Variants in MS4A6A observed in about 807,000 individuals in gnomAD.
MS4A6A encodes the protein membrane-spanning 4-domains subfamily A member 6A.
In MS4A6A, 19 loss-of-function variants were observed where a neutral mutation model predicts 20.6. The observed-to-expected ratio is 0.92, with a 90% CI of 0.64 to 1.36. The LOEUF (loss-of-function observed/expected upper bound fraction) is 1.36. MS4A6A is among the 40% of genes most tolerant of loss of function. MS4A6A has a pLI of 0.00. For missense variants in MS4A6A, 272 were observed against 261.1 expected, an observed-to-expected ratio of 1.04 and a Z score of -0.29; for synonymous variants, 108 against 105.0, an observed-to-expected ratio of 1.03 and a Z score of -0.17.
chr11:60,179,638 A>T, intron 3 of MS4A6A, 193 bp downstream of exon 3: 1 of 665,134 alleles, frequency 1.5e-6, no homozygotes, highest in East Asian at 2.7e-5. Context: ...AGAAATGTTT[A>T]TTTGAGTCTG....
chr11:60,178,184 A>G, intron 4 of MS4A6A, 76 bp downstream of exon 4: 1 of 1,353,954 alleles, frequency 7.4e-7, no homozygotes, highest in Non-Finnish European at 1.0e-6. Flanking sequence ...TTCAAAGTAG[A>G]AAGACTAGCC....
intron 5 of MS4A6A, 123 bp from the exon 6 acceptor site, chr11:60,173,252 T>C (rs1224100561): frequency 3.6e-6 from 3 of 827,846 alleles, no homozygotes; most frequent in Non-Finnish European, 5.9e-6. Context: ...AAGGACACCA[T>C]CAGGAAGATA....
intron 4 of MS4A6A, chr11:60,177,959 G>A: frequency 3.1e-6 from 1 of 319,612 alleles, no homozygotes; most frequent in South Asian, 4.4e-5. Context: ...GAATTTGAAG[G>A]CCAGTTATCA....
In MS4A6A at chr11:60,181,241, A is replaced by G. The variant is rs376125454; in HGVS notation, c.147+340T>C. 4 of 397,072 alleles carry G rather than the reference A, an allele frequency of 1.0e-5. No individual in the cohort carries two copies. In the East Asian group the frequency reaches 2.5e-4, roughly 25 times the overall value. The allele number at this position is 397,072 out of a possible 1,614,324, so 24.6% of individuals were successfully genotyped here. ...TTGCAAAAAGTCAGTTTGGATTATTAAGCATGCAGTTGTGGAATATATACA... is the reference window on the plus strand; with the variant it reads ...TTGCAAAAAGTCAGTTTGGATTATTGAGCATGCAGTTGTGGAATATATACA... On this transcript the variant is annotated intron_variant, in intron 2 of 5. Coordinates refer to ENST00000528851, the MANE Select transcript of MS4A6A (RefSeq NM_022349.4).
downstream of MS4A6A, chr11:60,172,247 G>A: frequency 6.2e-7 from 1 of 1,613,136 alleles, no homozygotes; most frequent in Non-Finnish European, 8.5e-7. Flanking sequence ...GGCAGGAAAA[G>A]TACACTCTAG....
upstream of MS4A6A, chr11:60,184,095 A>T (rs2083859665): frequency 1.3e-5 from 2 of 152,264 alleles, no homozygotes; most frequent in Non-Finnish European, 2.9e-5. Flanking sequence ...GTCACCACAG[A>T]GGGCCATGGA....
At chr11:60,174,408 C>G (rs973164133) in intron 5 of MS4A6A, among the ~76,000 whole-genome samples, 1 of 151,464 alleles carries the variant, frequency 6.6e-6, no homozygotes, top group Non-Finnish European at 1.5e-5. Flanking sequence ...ACTGCAACCT[C>G]CGCCACCTCC....
At chr11:60,183,433 T>G (rs2083839635), upstream of MS4A6A, 3 of 471,900 alleles carry the variant, frequency 6.4e-6, no homozygotes, top group South Asian at 5.3e-5. Flanking sequence ...CAATAACATG[T>G]AACTAATAAC....
chr11:60,172,100 T>C (rs1276553777), downstream of MS4A6A: 1 of 1,543,214 alleles, frequency 6.5e-7, no homozygotes, highest in Non-Finnish European at 8.9e-7. Context: ...CTATAATGGT[T>C]AACTTTTCCA....
intron 1 of MS4A6A, chr11:60,182,528 C>T (rs1397680283): frequency 6.6e-6 from 1 of 152,262 alleles, no homozygotes; most frequent in Non-Finnish European, 1.5e-5. Context: ...TGAGTTTACT[C>T]AGGCTGGAGA....
At chr11:60,179,517 T>G in intron 3 of MS4A6A, 1 of 588,798 alleles carries the variant, frequency 1.7e-6, no homozygotes, top group Non-Finnish European at 3.0e-6. Flanking sequence ...AAAATGTTCC[T>G]TCCCAACTTT....
intron 2 of MS4A6A, chr11:60,181,233 G>A: frequency 2.6e-6 from 1 of 387,456 alleles, no homozygotes; most frequent in Non-Finnish European, 4.9e-6. Flanking sequence ...AAGTCAGTTT[G>A]GATTATTAAG....
intron 3 of MS4A6A, 134 bp downstream of exon 3, chr11:60,179,697 G>A (rs1416643310): frequency 1.0e-6 from 1 of 1,000,482 alleles, no homozygotes; most frequent in East Asian, 2.4e-5. Context: ...CTACCCGACA[G>A]GAGAACAAGA....
intron 3 of MS4A6A, chr11:60,178,719 T>C (rs1856976027): frequency 2.6e-6 from 1 of 377,736 alleles, no homozygotes; most frequent in Non-Finnish European, 5.1e-6. Flanking sequence ...AACCACATAA[T>C]CAAGGTTAAT....
chr11:60,176,992 C>A (rs1020007685), intron 4 of MS4A6A: 1 of 152,046 alleles, frequency 6.6e-6, no homozygotes, highest in Non-Finnish European at 1.5e-5. Flanking sequence ...GTATGGTTGC[C>A]AATAGCCACA....
chr11:60,179,821 C>T lies in MS4A6A; in HGVS notation c.282+10G>A, dbSNP rs772297224. The T allele has an allele frequency of 6.2e-7, 1 of 1,614,020 alleles. No individual in the cohort carries two copies. The highest frequency in any genetic ancestry group is 8.5e-7 in the Non-Finnish European group (1 of 1,179,962). Reference sequence around the variant, plus strand: ...TGCCCCATCCTGCCCTCCTCAGAAACTCTACTCACAAAAAAGGGTCCTATG... The same window carrying T: ...TGCCCCATCCTGCCCTCCTCAGAAATTCTACTCACAAAAAAGGGTCCTATG... On this transcript the variant is annotated intron_variant, in intron 3 of 5. Coordinates refer to ENST00000528851, the MANE Select transcript of MS4A6A (RefSeq NM_022349.4).
intron 3 of MS4A6A, among the ~76,000 whole-genome samples, chr11:60,179,120 T>C (rs1856996622): frequency 6.6e-6 from 1 of 152,192 alleles, no homozygotes; most frequent in Non-Finnish European, 1.5e-5. Flanking sequence ...AAAGGTGGAC[T>C]TCTTGGTGCA....
Position 60,175,398 on chromosome 11 carries a change from T to G in MS4A6A, c.549+4A>C. 6.2e-7 allele frequency: 1 copy of G among 1,606,222 alleles called. No individual in the cohort carries two copies. Among genetic ancestry groups the G allele is most frequent in the Non-Finnish European group, 8.5e-7 (1 of 1,173,060 alleles). On this transcript the variant is annotated splice_donor_region_variant and intron_variant, in intron 5 of 5. Coordinates refer to ENST00000528851, the MANE Select transcript of MS4A6A (RefSeq NM_022349.4). ...ATTAGAACATCCCATCTAAAAATAC[T>G]TACAGCCAGACTGGCTTTGGCTGTA...
rs1310304202 is a variant in MS4A6A, at chr11:60,175,435, G to T, written c.516C>A (p.Thr172=). ...VSYFYHDSLY[T]TDCYTAKASL... ...TGGCTTTGGCTGTATAGCAGTCCGT[G>T]GTATAAAGTGAATCATGATAAAAGT... The change falls in exon 5 of 6, where the codon ACC becomes ACA. Residue 172 remains threonine (T), a synonymous_variant. Coordinates refer to ENST00000528851, the MANE Select transcript of MS4A6A (RefSeq NM_022349.4). The T allele has an allele frequency of 6.2e-7, 1 of 1,613,984 alleles. No individual in the cohort carries two copies. The highest frequency in any genetic ancestry group is 1.1e-5 in the South Asian group (1 of 91,062).
Sources: allele counts gnomAD v4.1 joint callset (sites outside exome capture counted in the v4.1 genomes callset), GRCh38; gene constraint gnomAD v4.1.1; transcripts MANE v1.5; gene names NCBI Gene and HGNC (gene_info 2026-07-23, HGNC 2026-07-21).